DHX37: variants seen among roughly 807,000 people sequenced by gnomAD.
DHX37 encodes probable ATP-dependent RNA helicase DHX37.
Under a neutral mutation model 134.3 loss-of-function variants are expected in DHX37, and 52 were observed. The ratio of observed to expected loss-of-function variants is 0.39; its 90% CI spans 0.31 to 0.49. DHX37 has a LOEUF of 0.49. Ranked by LOEUF, DHX37 falls within the 20% of genes least tolerant of loss-of-function variation. The pLI, the probability that DHX37 is intolerant of heterozygous loss-of-function variation, is 0.93. For missense variants in DHX37, 1,344 were observed against 1,580.8 expected, an observed-to-expected ratio of 0.85 and a Z score of 2.54; for synonymous variants, 634 against 670.7, an observed-to-expected ratio of 0.95 and a Z score of 0.85.
At chr12:124,986,037 C>A (rs1954864550) in intron 2 of DHX37, 59 bp downstream of exon 2, 5 of 1,565,626 alleles carry the variant, frequency 3.2e-6, no homozygotes, top group South Asian at 2.3e-5. Flanking sequence ...AGGAGAGAGA[C>A]CCCCCATCTC....
chr12:124,975,281 TC>T, intron 6 of DHX37, 137 bp downstream of exon 6: 3 of 848,446 alleles, frequency 3.5e-6, no homozygotes, highest in Non-Finnish European at 5.5e-6. Context: ...ACACAATGAT[TC>T]CCAGTGCTAC....
chr12:124,961,188 G>A (rs1189640368), intron 15 of DHX37, among the ~76,000 whole-genome samples: 20 of 103,648 alleles, frequency 1.9e-4, no homozygotes, highest in African/African-American at 3.6e-4. Flanking sequence ...ATGCGCGCAC[G>A]CACACACACA....
intron 4 of DHX37, among the ~76,000 whole-genome samples, chr12:124,979,626 G>A (rs768990217): frequency 1.3e-5 from 2 of 152,208 alleles, no homozygotes; most frequent in Non-Finnish European, 2.9e-5. Flanking sequence ...CCTACGGTAT[G>A]TATTGCTTAG....
At position 124,980,450 on chromosome 12, in the gene DHX37, G is replaced by A. The variant is rs766278227; in HGVS notation, c.738+40C>T. The A allele has an allele frequency of 1.2e-5, 19 of 1,593,830 alleles. No homozygotes were observed. In the East Asian group the frequency reaches 2.0e-4, roughly 17 times the overall value. On this transcript the variant is annotated intron_variant, in intron 4 of 26. Transcript: ENST00000308736. This position sits in a 1 kb window ranked among gnomAD's most constrained non-coding sequence, Gnocchi z 5.3. Reference sequence around the variant, plus strand: ...GACGCCCTCTGTGCGCCCCTTGCCCGCTAACCTAGATTCTTAATCACAAAC... The same window carrying A: ...GACGCCCTCTGTGCGCCCCTTGCCCACTAACCTAGATTCTTAATCACAAAC...
intron 4 of DHX37, among the ~76,000 whole-genome samples, chr12:124,979,509 C>T (rs1203895422): frequency 6.6e-6 from 1 of 152,224 alleles, no homozygotes; most frequent in Non-Finnish European, 1.5e-5. Flanking sequence ...AAATGAGCCT[C>T]AGCTGCCTGC....
chr12:124,970,484 C>T (rs1954492879), intron 8 of DHX37, among the ~76,000 whole-genome samples: 1 of 152,204 alleles, frequency 6.6e-6, no homozygotes, highest in Non-Finnish European at 1.5e-5. Flanking sequence ...CTCCTCCAGT[C>T]AGACTTCTCC....
Position 124,947,766 on chromosome 12 carries a change from C to G in DHX37, c.*36G>C. 2 of 1,527,046 alleles carry G rather than the reference C, an allele frequency of 1.3e-6. No homozygotes were observed. The highest frequency in any genetic ancestry group is 1.8e-6 in the Non-Finnish European group (2 of 1,137,034). The allele number at this position is 1,527,046 out of a possible 1,614,324, so 94.6% of individuals were successfully genotyped here. A position where few individuals can be genotyped will look rare whatever the true frequency, so the allele number is the denominator to read the frequency against. ...CAGGCTGCTGCCAGCCCTCCAGTCC[C>G]CAAACCAGTCCTCGGCCCTGCAGCC... On this transcript the variant is annotated 3_prime_UTR_variant, in exon 27 of 27. Coordinates refer to ENST00000308736, the MANE Select transcript of DHX37 (RefSeq NM_032656.4).
intron 10 of DHX37, among the ~76,000 whole-genome samples, chr12:124,968,106 G>T (rs933320667): frequency 6.6e-6 from 1 of 151,654 alleles, no homozygotes. Context: ...GGCTGGAAGC[G>T]ATCACAATCT....
intron 2 of DHX37, among the ~76,000 whole-genome samples, chr12:124,983,962 C>T (rs1443681744): frequency 6.6e-6 from 1 of 152,118 alleles, no homozygotes. Context: ...ATGAAGGCTC[C>T]AGGTCAGGGT....
At position 124,982,603 on chromosome 12, in the gene DHX37, C is replaced by T. The variant is rs746087984; in HGVS notation, c.297G>A (p.Lys99=). 2.6e-5 allele frequency: 42 copies of T among 1,613,550 alleles called. No homozygotes were observed. The South Asian group carries it at 4.6e-4, about 18-fold the overall frequency. ...KKSQRAEMLQ[K]LSEVQASEAE... ...CTTCGGAAGCCTGGACTTCACTCAG[C>T]TTCTGTAGCATCTCTGCTCGCTGGG... The change falls in exon 3 of 27, where the codon AAG becomes AAA. Residue 99 remains lysine (K), a synonymous_variant. Transcript: ENST00000308736.
At chr12:124,985,563 C>T (rs562058293) in intron 2 of DHX37, among the ~76,000 whole-genome samples, 89 of 141,334 alleles carry the variant, frequency 6.3e-4, no homozygotes, top group African/African-American at 8.7e-4. Flanking sequence ...GATGAAACCC[C>T]GCCTCTACTA....
intron 1 of DHX37, among the ~76,000 whole-genome samples, chr12:124,986,572 G>A (rs1276577846): frequency 6.6e-6 from 1 of 151,882 alleles, no homozygotes; most frequent in Non-Finnish European, 1.5e-5. Flanking sequence ...TTAGCCAGGT[G>A]TGGTGGTGGG....
chr12:124,960,475 C>T, intron 15 of DHX37, 52 bp from the exon 16 acceptor site: 1 of 1,600,198 alleles, frequency 6.2e-7, no homozygotes, highest in Non-Finnish European at 8.5e-7. Context: ...CCAAAAACCA[C>T]AGATGAATAC....
rs777061143 is a variant in DHX37 at position 124,968,879 on chromosome 12, C to A, written c.1281G>T (p.Pro427=). ...GACCCTGTGTTACCTTGATGACCGG[C>A]GGCGGCTTGGCGAAGAGCCGTGGGT... ...TQNPRLFAKP[P]PVIKVESRQF... Residue 427 remains proline (P), a synonymous_variant, in exon 9 of 27, where the codon CCG becomes CCT. Coordinates refer to ENST00000308736, the MANE Select transcript of DHX37 (RefSeq NM_032656.4). The A allele has an allele frequency of 2.5e-6, 4 of 1,613,908 alleles. No individual in the cohort carries two copies. Among genetic ancestry groups the A allele is most frequent in the Non-Finnish European group, 3.4e-6 (4 of 1,180,028 alleles).
intron 6 of DHX37, among the ~76,000 whole-genome samples, chr12:124,974,982 G>A (rs1165607629): frequency 6.6e-6 from 1 of 152,090 alleles, no homozygotes; most frequent in African/African-American, 2.4e-5. Context: ...CTCCATGTTG[G>A]TCAGGTTGGT....
chr12:124,962,013 G>A (rs1446866711), intron 15 of DHX37, among the ~76,000 whole-genome samples: 1 of 152,138 alleles, frequency 6.6e-6, no homozygotes, highest in African/African-American at 2.4e-5. Flanking sequence ...AGGGCTGTGT[G>A]TGACAGGAAA....
intron 4 of DHX37, among the ~76,000 whole-genome samples, chr12:124,979,174 C>T (rs1156717128): frequency 6.6e-6 from 1 of 152,108 alleles, no homozygotes; most frequent in Non-Finnish European, 1.5e-5. Flanking sequence ...CAAGACCAGC[C>T]TGGGCAACAT....
rs751957981 is a variant in DHX37, at chr12:124,968,665, A to C, written c.1294-17T>G. ...GGATTCCACCTGTGGGACGCCCAGG[A>C]AGGCATGGGGAGTGGGGGGGACACG... On this transcript the variant is annotated splice_polypyrimidine_tract_variant and intron_variant, in intron 9 of 26. Transcript: ENST00000308736. 1 of 1,613,358 alleles carries C rather than the reference A, an allele frequency of 6.2e-7. No homozygotes were observed. Among genetic ancestry groups the C allele is most frequent in the Non-Finnish European group, 8.5e-7 (1 of 1,180,016 alleles).
At chr12:124,982,474 A>C (rs1299120810) in intron 3 of DHX37, 37 bp downstream of exon 3, 1 of 1,608,888 alleles carries the variant, frequency 6.2e-7, no homozygotes, top group Non-Finnish European at 8.5e-7. Flanking sequence ...GGGGCCCTGG[A>C]GGGAGGGCAG....
Sources: gnomAD v4.1 joint callset for allele counts (sites outside exome capture counted in the v4.1 genomes callset) on GRCh38, gnomAD v4.1.1 for gene constraint, Gnocchi (gnomAD v3.1) non-coding constraint, MANE v1.5 for transcripts, NCBI Gene and HGNC (gene_info 2026-07-23, HGNC 2026-07-21) for gene names.